RIMS2: variants seen among roughly 807,000 people sequenced by gnomAD.
The protein encoded by RIMS2 is regulating synaptic membrane exocytosis protein 2.
RIMS2 carries 59 observed loss-of-function variants against 174.4 expected under a neutral mutation model. The ratio of observed to expected loss-of-function variants is 0.34; its 90% CI spans 0.27 to 0.42. The LOEUF (loss-of-function observed/expected upper bound fraction) is 0.42, where lower values mean the gene tolerates loss of function less well. Among genes scored for constraint, RIMS2 ranks in the 10% least tolerant of loss-of-function variants. The pLI is 1.00. For missense variants in RIMS2, 1,620 were observed against 1,666.3 expected (o/e 0.97, Z 0.48); for synonymous variants, 606 against 572.5 (o/e 1.06, Z -0.84).
At chr8:103,709,507 C>T (rs545387347) in intron 2 of RIMS2, among the ~76,000 whole-genome samples, 1 of 152,114 alleles carries the variant, frequency 6.6e-6, no homozygotes, top group African/African-American at 2.4e-5. Context: ...TTTACACATT[C>T]TTTGAGGGTT....
intron 1 of RIMS2, among the ~76,000 whole-genome samples, chr8:103,619,093 G>GAAAAAAAAAAAAAAAAAAAACAAAAAAAA (rs56210078): frequency 9.3e-6 from 1 of 107,178 alleles, no homozygotes; most frequent in Non-Finnish European, 2.0e-5. Flanking sequence ...ACTTTTTGCT[G>GAAAAAAAAAAAAAAAAAAAACAAAAAAAA]AAAAAAAAAA....
In RIMS2 at chr8:103,570,900, A is replaced by G. The variant is rs76624826; in HGVS notation, c.176+69838A>G. The stretch of plus-strand genomic sequence containing the variant: ...CAAAAGCTGCAATTACTTTTGCACC[A>G]ACCTAAGTATTTATTGACAAAAGCT... On this transcript the variant is annotated intron_variant, in intron 1 of 23. Coordinates refer to ENST00000504942, the Ensembl canonical transcript of RIMS2. 9.9e-5 allele frequency among the ~76,000 whole-genome samples: 15 copies of G among 152,266 alleles called. No homozygotes were observed. In the East Asian group the frequency reaches 2.7e-3, roughly 27 times the overall value.
intron 19 of RIMS2, among the ~76,000 whole-genome samples, chr8:104,225,741 C>T (rs2099183665): frequency 6.6e-6 from 1 of 152,152 alleles, no homozygotes. Context: ...CATAATATGG[C>T]TTCTTAAGCT....
intron 1 of RIMS2, among the ~76,000 whole-genome samples, chr8:103,614,735 T>C (rs1220468361): frequency 6.6e-6 from 1 of 152,206 alleles, no homozygotes; most frequent in African/African-American, 2.4e-5. Context: ...GAGTATATCT[T>C]AGTATATCTT....
intron 1 of RIMS2, among the ~76,000 whole-genome samples, chr8:103,505,310 C>G (rs1172200209): frequency 6.6e-6 from 1 of 152,112 alleles, no homozygotes; most frequent in Non-Finnish European, 1.5e-5. Flanking sequence ...TGTGTGTGCT[C>G]ATACATGTAT....
At chr8:104,072,554 G>A (rs568197118) in intron 19 of RIMS2, among the ~76,000 whole-genome samples, 50 of 152,210 alleles carry the variant, frequency 3.3e-4, no homozygotes, top group Non-Finnish European at 4.9e-4. Flanking sequence ...GAAATCCAAA[G>A]CCTCAGACAT....
At chr8:103,868,762 C>T (rs1230413116) in intron 3 of RIMS2, among the ~76,000 whole-genome samples, 1 of 151,998 alleles carries the variant, frequency 6.6e-6, no homozygotes, top group African/African-American at 2.4e-5. Context: ...AATATGTTCA[C>T]TTGATATAAT....
chr8:103,724,012 G>A (rs1388091331), intron 2 of RIMS2, among the ~76,000 whole-genome samples: 1 of 152,078 alleles, frequency 6.6e-6, no homozygotes, highest in African/African-American at 2.4e-5. Flanking sequence ...CCTGATACTG[G>A]GGTACCCACT....
chr8:103,621,244 C>T (rs536037909), intron 1 of RIMS2, among the ~76,000 whole-genome samples: 3 of 152,310 alleles, frequency 2.0e-5, no homozygotes, highest in Admixed American at 1.3e-4. Context: ...AGTTTTGCCA[C>T]AAGAGTACAC....
At chr8:103,918,363 TTGA>T in intron 8 of RIMS2, 75 bp from the exon 12 acceptor site, 1 of 836,194 alleles carries the variant, frequency 1.2e-6, no homozygotes, top group Non-Finnish European at 1.9e-6. Context: ...TATTAATAGG[TTGA>T]TAATAATAAA....
At chr8:103,741,233 A>G (rs540364584) in intron 2 of RIMS2, among the ~76,000 whole-genome samples, 1 of 152,168 alleles carries the variant, frequency 6.6e-6, no homozygotes, top group South Asian at 2.1e-4. Context: ...CCATGGACAA[A>G]TATTACTTAG....
intron 3 of RIMS2, among the ~76,000 whole-genome samples, chr8:103,769,712 G>C (rs1178775868): frequency 6.6e-6 from 1 of 152,178 alleles, no homozygotes. Flanking sequence ...ACAAGTACTG[G>C]CCTGAATAAA....
At chr8:104,112,537 G>T (rs1302498882) in intron 19 of RIMS2, among the ~76,000 whole-genome samples, 1 of 152,054 alleles carries the variant, frequency 6.6e-6, no homozygotes, top group East Asian at 1.9e-4. Context: ...TGACAGACCA[G>T]ATTTTATTAT....
At chr8:103,950,284 T>C (rs2085020545) in intron 14 of RIMS2, among the ~76,000 whole-genome samples, 1 of 152,072 alleles carries the variant, frequency 6.6e-6, no homozygotes, top group Non-Finnish European at 1.5e-5. Flanking sequence ...GAAACAAACA[T>C]TACTCTAATA....
At chr8:104,040,504 A>G (rs2096590520) in intron 19 of RIMS2, among the ~76,000 whole-genome samples, 1 of 151,722 alleles carries the variant, frequency 6.6e-6, no homozygotes, top group Non-Finnish European at 1.5e-5. Flanking sequence ...TTTCCAAAAC[A>G]TATCATGTCA....
chr8:104,222,104 C>A (rs114805747), intron 19 of RIMS2, among the ~76,000 whole-genome samples: 1,767 of 152,350 alleles, frequency 0.012, 32 homozygotes, highest in African/African-American at 0.041. Context: ...CCCACCCTGA[C>A]AACTCTTTTT....
intron 19 of RIMS2, among the ~76,000 whole-genome samples, chr8:104,191,575 A>T (rs2098998007): frequency 6.6e-6 from 1 of 152,160 alleles, no homozygotes; most frequent in Non-Finnish European, 1.5e-5. Flanking sequence ...AAGCCAAAAG[A>T]AATATTTAGA....
chr8:103,715,962 T>C (rs1262619285), intron 2 of RIMS2, among the ~76,000 whole-genome samples: 1 of 152,116 alleles, frequency 6.6e-6, no homozygotes, highest in Non-Finnish European at 1.5e-5. Context: ...TTGAGCTCAG[T>C]GTTTAACTGA....
chr8:103,730,126 G>C (rs2138846438), intron 2 of RIMS2, among the ~76,000 whole-genome samples: 1 of 152,270 alleles, frequency 6.6e-6, no homozygotes, highest in East Asian at 1.9e-4. Flanking sequence ...AGGATGATTT[G>C]TCCAGTGCTG....
Sources: allele counts gnomAD v4.1 joint callset (sites outside exome capture counted in the v4.1 genomes callset), GRCh38; gene constraint gnomAD v4.1.1; transcripts MANE v1.5; gene names NCBI Gene and HGNC (gene_info 2026-07-23, HGNC 2026-07-21).